The following KCNC3 variants were observed in gnomAD, a reference collection of about 807,000 sequenced individuals.
KCNC3 encodes the protein potassium voltage-gated channel subfamily C member 3, also known as voltage-gated potassium channel KCNC3.
A neutral mutation model predicts 43.9 loss-of-function variants in KCNC3; 22 were observed. The ratio of observed to expected loss-of-function variants is 0.50; its 90% CI spans 0.36 to 0.72. The LOEUF (loss-of-function observed/expected upper bound fraction) is 0.72, where lower values mean the gene tolerates loss of function less well. KCNC3 is among the 30% of genes least tolerant of loss of function. The pLI is 0.00. For synonymous variants in KCNC3, 492 were observed against 488.0 expected, an observed-to-expected ratio of 1.01 and a Z score of -0.11; for missense variants, 829 against 1,073.8, an observed-to-expected ratio of 0.77 and a Z score of 3.19.
chr19:50,326,484 C>T lies in KCNC3; in HGVS notation c.870+1729G>A, dbSNP rs569354701. Among the ~76,000 whole-genome samples the T allele has an allele frequency of 2.6e-5, 4 of 152,228 alleles. No individual in the cohort carries two copies. The East Asian group carries it at 7.7e-4, about 29-fold the overall frequency. ...TATGCGGTGGCTCCAGGCGTCCCCC[C>T]GCTCCCTCCCCCGGCGCGAATGCGG... On this transcript the variant is annotated intron_variant, in intron 1 of 4. Coordinates refer to ENST00000477616, the MANE Select transcript of KCNC3 (RefSeq NM_004977.3).
upstream of KCNC3, among the ~76,000 whole-genome samples, chr19:50,330,725 G>C (rs964523928): frequency 1.3e-5 from 2 of 152,102 alleles, no homozygotes; most frequent in African/African-American, 4.8e-5. Context: ...ATATAGGCAG[G>C]ACCGATAAAA....
At position 50,312,300 on chromosome 19, in the gene KCNC3, C is replaced by CTGTG. The variant is rs1491214291; in HGVS notation, c.*3814_*3815insCACA. 2.7e-5 allele frequency: 2 copies of CTGTG among 73,310 alleles called. No individual in the cohort carries two copies. Among genetic ancestry groups the CTGTG allele is most frequent in the African/African-American group, 8.0e-5 (2 of 25,070 alleles). 4.5% of individuals were successfully genotyped at this position (73,310 alleles called of 1,614,324 possible). On this transcript the variant is annotated 3_prime_UTR_variant, in exon 5 of 5. Coordinates refer to ENST00000477616, the MANE Select transcript of KCNC3 (RefSeq NM_004977.3). ...ACATTTGAGTGAGAGAAACTTATTG[C>CTGTG]TCTGTGTGTGTGTGTGTGTGTGTTG...
At chr19:50,330,373 C>G (rs1206198348), upstream of KCNC3, among the ~76,000 whole-genome samples, 2 of 151,768 alleles carry the variant, frequency 1.3e-5, no homozygotes, top group Non-Finnish European at 2.9e-5. Context: ...CCAGGGTAGG[C>G]GAGGGCAGGG....
chr19:50,331,475 A>C (rs2037188385), upstream of KCNC3, among the ~76,000 whole-genome samples: 1 of 132,820 alleles, frequency 7.5e-6, no homozygotes, highest in African/African-American at 2.8e-5. Context: ...CTCTCTGACA[A>C]CCTCTTTCCC....
rs2123545690 is a variant in KCNC3 at position 50,328,394 on chromosome 19, G to C, written c.689C>G (p.Ala230Gly). ...CGCTCCGTCCAGGCCGCCGCCGCCC[G>C]CGCCCGCCTCGTCGTCCAGGCCTCC... ...HDGGLDDEAG[A>G]GGGGLDGAGG... The change falls in exon 1 of 5, where the codon GCG becomes GGG. Residue 230 changes from alanine (A) to glycine (G), a missense_variant. Transcript: ENST00000477616. The C allele has an allele frequency of 1.6e-6, 2 of 1,247,186 alleles. No homozygotes were observed. The allele number at this position is 1,247,186 out of a possible 1,614,324, so 77.3% of individuals were successfully genotyped here.
At chr19:50,321,333 T>C (rs2037031285) in intron 2 of KCNC3, among the ~76,000 whole-genome samples, 2 of 151,950 alleles carry the variant, frequency 1.3e-5, no homozygotes, top group Non-Finnish European at 2.9e-5. Context: ...CTGGGTATAG[T>C]AGTACACGCC....
chr19:50,323,117 G>C lies in KCNC3; in HGVS notation c.1836C>G (p.Ala612=), dbSNP rs1393287009. 4 of 1,537,302 alleles carry C rather than the reference G, an allele frequency of 2.6e-6. No individual in the cohort carries two copies. The highest frequency in any genetic ancestry group is 2.4e-5 in the South Asian group (2 of 83,722). The stretch of plus-strand genomic sequence containing the variant: ...GGTGCGTGTGGGGCCCCGCTGGGTA[G>C]GCCCCGGCCACAGTCACCCCCATGG... ...PPSMGVTVAG[A]YPAGPHTHPG... The change falls in exon 2 of 5, where the codon GCC becomes GCG. Residue 612 remains alanine (A), a synonymous_variant. Coordinates refer to ENST00000477616, the MANE Select transcript of KCNC3 (RefSeq NM_004977.3).
intron 1 of KCNC3, among the ~76,000 whole-genome samples, chr19:50,326,610 G>A (rs1221525548): frequency 6.6e-6 from 1 of 152,150 alleles, no homozygotes; most frequent in East Asian, 1.9e-4. Flanking sequence ...GCCCAGGAGG[G>A]GGTCTTGGGA....
upstream of KCNC3, among the ~76,000 whole-genome samples, chr19:50,332,302 C>A (rs529521894): frequency 9.8e-5 from 15 of 152,310 alleles, no homozygotes; most frequent in African/African-American, 3.6e-4. This position sits in a 1 kb window ranked among gnomAD's most constrained non-coding sequence, Gnocchi z 5.8. Context: ...CTTTTCACAG[C>A]AGCCAGGCAC....
chr19:50,314,692 T>G lies in KCNC3; in HGVS notation c.*1423A>C, dbSNP rs1253274596. On this transcript the variant is annotated 3_prime_UTR_variant, in exon 5 of 5. Transcript: ENST00000477616. Reference sequence around the variant, plus strand: ...CCATCCTGGGGGCCCAGGTTGGGGGTGAGGGGCCCGGGGGTGTCTGCTGGC... The same window carrying G: ...CCATCCTGGGGGCCCAGGTTGGGGGGGAGGGGCCCGGGGGTGTCTGCTGGC... The G allele has an allele frequency of 2.8e-5, 11 of 398,002 alleles. No homozygotes were observed. Among genetic ancestry groups the G allele is most frequent in the African/African-American group, 9.2e-5 (4 of 43,504 alleles). The allele number at this position is 398,002 out of a possible 1,614,324, so 24.7% of individuals were successfully genotyped here.
At chr19:50,330,253 C>A (rs1555781959), upstream of KCNC3, among the ~76,000 whole-genome samples, 1 of 151,794 alleles carries the variant, frequency 6.6e-6, no homozygotes, top group South Asian at 2.1e-4. Flanking sequence ...GGCGACAGAG[C>A]GAGACTCTGT....
At position 50,329,085 on chromosome 19, in the gene KCNC3, G is replaced by T; in HGVS notation, c.-3C>A. ...GAGACGCAGACTGAGCTCAGCATTGGACGGGGGGCGGGGCGGGAGGGGCGG... is the reference window on the plus strand; with the variant it reads ...GAGACGCAGACTGAGCTCAGCATTGTACGGGGGGCGGGGCGGGAGGGGCGG... On this transcript the variant is annotated 5_prime_UTR_variant, in exon 1 of 5. Coordinates refer to ENST00000477616, the MANE Select transcript of KCNC3 (RefSeq NM_004977.3). The T allele has an allele frequency of 9.3e-7, 1 of 1,076,074 alleles. No homozygotes were observed. The highest frequency in any genetic ancestry group is 1.2e-6 in the Non-Finnish European group (1 of 815,688). The allele number at this position is 1,076,074 out of a possible 1,614,324, so 66.7% of individuals were successfully genotyped here. A position where few individuals can be genotyped will look rare whatever the true frequency, so the allele number is the denominator to read the frequency against.
chr19:50,331,750 A>G (rs560430738), upstream of KCNC3, among the ~76,000 whole-genome samples: 5 of 149,268 alleles, frequency 3.3e-5, no homozygotes, highest in Middle Eastern at 3.5e-3. Flanking sequence ...CACTTTCTCT[A>G]TGTCCCCTCC....
In KCNC3 at chr19:50,320,599, G is replaced by A. The variant is rs746943393; in HGVS notation, c.2164C>T (p.Arg722Ter). ...AGTAGGGGGGGCACCTCACCTTTTC[G>A]GATGGAGCCATCAGGGGAAGGGGCA... ...DYAPSPDGSI[R>*]KATGAPPLPP... is the part of the protein sequence containing the mutation. Residue 722 changes from arginine (R) to a stop codon, truncating the protein, a stop_gained, in exon 3 of 5, where the codon CGA (arginine) becomes TGA (stop). Transcript: ENST00000477616. LOFTEE classifies it high-confidence loss of function. The A allele has an allele frequency of 1.8e-5, 29 of 1,611,512 alleles. No homozygotes were observed. Among genetic ancestry groups the A allele is most frequent in the Middle Eastern group, 2.0e-4 (1 of 4,944 alleles).
intron 4 of KCNC3, among the ~76,000 whole-genome samples, chr19:50,317,081 C>T (rs1444159293): frequency 6.6e-6 from 1 of 151,360 alleles, no homozygotes; most frequent in African/African-American, 2.4e-5. Context: ...CATAGGGGCC[C>T]CTCTAGACCT....
chr19:50,320,323 G>T lies in KCNC3; in HGVS notation c.2197C>A (p.Gln733Lys), dbSNP rs756181510. ...KATGAPPLPP[Q>K]DWRKPGPPSF... ...GGGGGGCCTGGCTTACGCCAGTCTT[G>T]GGGGGGCAGTGGGGGAGCACCAGTG... The change falls in exon 4 of 5, where the codon CAA becomes AAA. Residue 733 changes from glutamine to lysine, a missense_variant. Coordinates refer to ENST00000477616, the MANE Select transcript of KCNC3 (RefSeq NM_004977.3). 89 of 476,336 alleles carry T rather than the reference G, an allele frequency of 1.9e-4. No homozygotes were observed. The highest frequency in any genetic ancestry group is 1.0e-3 in the Middle Eastern group (2 of 1,980). The allele number at this position is 476,336 out of a possible 1,614,324, so 29.5% of individuals were successfully genotyped here.
intron 1 of KCNC3, among the ~76,000 whole-genome samples, chr19:50,325,255 G>T (rs1486165518): frequency 6.6e-6 from 1 of 152,154 alleles, no homozygotes; most frequent in Non-Finnish European, 1.5e-5. Context: ...GAGTGCATTG[G>T]AGAGGGAAGG....
chr19:50,317,538 C>T (rs1559133), intron 4 of KCNC3, among the ~76,000 whole-genome samples: 8,889 of 152,152 alleles, frequency 0.058, 297 homozygotes, highest in Middle Eastern at 0.11. Context: ...CTTCCCTTCA[C>T]GTTTAAGATA....
At chr19:50,320,914 A>G in intron 2 of KCNC3, 130 bp from the exon 3 acceptor site, 1 of 747,108 alleles carries the variant, frequency 1.3e-6, no homozygotes, top group Non-Finnish European at 2.1e-6. Context: ...GGAAGTGGAG[A>G]TTCAAGGGCA....
Sources: gnomAD v4.1 joint callset for allele counts (sites outside exome capture counted in the v4.1 genomes callset) on GRCh38, gnomAD v4.1.1 for gene constraint, Gnocchi (gnomAD v3.1) non-coding constraint, MANE v1.5 for transcripts, NCBI Gene and HGNC (gene_info 2026-07-23, HGNC 2026-07-21) for gene names.